MAGI2: variants seen among roughly 807,000 people sequenced by gnomAD.
The protein encoded by MAGI2 is membrane associated guanylate kinase, WW and PDZ domain containing 2, also known as membrane-associated guanylate kinase, WW and PDZ domain-containing protein 2.
A neutral mutation model predicts 133.3 loss-of-function variants in MAGI2; 35 were observed. That is an observed-to-expected ratio of 0.26 (90% confidence interval 0.20 to 0.35). MAGI2 has a LOEUF of 0.35. MAGI2 is among the 10% of genes least tolerant of loss of function. MAGI2 has a pLI of 1.00. For synonymous variants in MAGI2, 729 were observed against 710.6 expected, an observed-to-expected ratio of 1.03 and a Z score of -0.41; for missense variants, 1,636 against 1,863.4, an observed-to-expected ratio of 0.88 and a Z score of 2.25.
chr7:78,736,630 T>C (rs1406106831), intron 2 of MAGI2, among the ~76,000 whole-genome samples: 2 of 152,178 alleles, frequency 1.3e-5, no homozygotes, highest in Non-Finnish European at 2.9e-5. Flanking sequence ...GTATTAATAC[T>C]AATACTTTAT....
intron 3 of MAGI2, chr7:78,614,365 C>T (rs1457408536): frequency 6.7e-6 from 1 of 150,224 alleles, no homozygotes; most frequent in Non-Finnish European, 1.5e-5. Context: ...AATGGATAAA[C>T]TTGTAAATTC....
rs749690483 is a variant in MAGI2 at position 78,501,686 on chromosome 7, G to T, written c.856C>A (p.Gln286Lys). Residue 286 changes from glutamine (Q) to lysine (K), a missense_variant, in exon 5 of 22, where the codon CAG (glutamine) becomes AAG (lysine). Around this residue, in one of 5 missense-constraint regions of MAGI2, gnomAD observed 165 missense variants for 128.4 expected, o/e 1.28. Transcript: ENST00000354212. Reference protein sequence around the residue: ...VYSQPEELKEQMDDTKPTKPE... With the variant: ...VYSQPEELKEKMDDTKPTKPE... ...TTAGTTGGCTTTGTGTCATCCATCT[G>T]CTCCTTCAGCTCCTCAGGCTGACTG... The T allele has an allele frequency of 3.7e-6, 6 of 1,614,058 alleles. No individual in the cohort carries two copies. The highest frequency in any genetic ancestry group is 1.1e-5 in the South Asian group (1 of 91,078).
At chr7:78,241,470 C>T (rs1791130289) in intron 10 of MAGI2, among the ~76,000 whole-genome samples, 1 of 152,138 alleles carries the variant, frequency 6.6e-6, no homozygotes, top group Non-Finnish European at 1.5e-5. Context: ...AGATTTCTCA[C>T]ATTTGGGGGG....
rs147360314 is a variant in MAGI2 at position 78,266,807 on chromosome 7, C to T, written c.1409-10226G>A. Among the ~76,000 whole-genome samples the T allele has an allele frequency of 1.3e-4, 19 of 151,004 alleles. No homozygotes were observed. In the East Asian group the frequency reaches 2.6e-3, roughly 21 times the overall value. The stretch of plus-strand genomic sequence containing the variant: ...GATGGCCAGGCTGGTCTCGTGACCT[C>T]GTGATCCGCCCACCTTGGCCTCCTA... On this transcript the variant is annotated intron_variant, in intron 9 of 21. Transcript: ENST00000354212.
At chr7:78,067,481 G>C (rs911901391) in intron 21 of MAGI2, among the ~76,000 whole-genome samples, 4 of 152,140 alleles carry the variant, frequency 2.6e-5, no homozygotes, top group Non-Finnish European at 5.9e-5. Flanking sequence ...TCCCAATAAG[G>C]CCAGGGTCAC....
In MAGI2 at chr7:79,038,964, A is replaced by G. The variant is rs1438115152; in HGVS notation, c.302-31758T>C. On this transcript the variant is annotated intron_variant, in intron 1 of 21. Coordinates refer to ENST00000354212, the MANE Select transcript of MAGI2 (RefSeq NM_012301.4). ...AGATATAAACAATTTACTCCATTAT[A>G]AGTGGATAGTTTTTGCAATTACATA... Among the ~76,000 whole-genome samples, 5 of 152,240 alleles carry G rather than the reference A, an allele frequency of 3.3e-5. No homozygotes were observed. The East Asian group carries it at 9.6e-4, about 29-fold the overall frequency.
chr7:78,397,721 A>T (rs189720305), intron 6 of MAGI2, among the ~76,000 whole-genome samples: 1 of 152,246 alleles, frequency 6.6e-6, no homozygotes, highest in East Asian at 1.9e-4. Flanking sequence ...AATCAAGAAG[A>T]TGGTGACTCC....
intron 1 of MAGI2, among the ~76,000 whole-genome samples, chr7:79,183,340 T>C (rs1160872546): frequency 6.6e-6 from 1 of 151,778 alleles, no homozygotes; most frequent in Non-Finnish European, 1.5e-5. Flanking sequence ...ATATAAAAAA[T>C]ACATTTAAAT....
At chr7:78,152,833 T>G in intron 16 of MAGI2, among the ~76,000 whole-genome samples, 1 of 152,170 alleles carries the variant, frequency 6.6e-6, no homozygotes, top group East Asian at 1.9e-4. Context: ...GCCTCCTGAG[T>G]GAGCCACTCT....
chr7:78,565,602 C>T (rs1388034225), intron 3 of MAGI2, among the ~76,000 whole-genome samples: 1 of 151,850 alleles, frequency 6.6e-6, no homozygotes, highest in Non-Finnish European at 1.5e-5. Context: ...ACCATTAAAA[C>T]ACGTAAGATT....
At chr7:79,354,640 C>T (rs979844594) in intron 1 of MAGI2, among the ~76,000 whole-genome samples, 18 of 152,102 alleles carry the variant, frequency 1.2e-4, no homozygotes, top group Admixed American at 1.1e-3. Flanking sequence ...AAGAGAGGTG[C>T]CCTGGTCCCC....
chr7:78,668,078 T>G (rs1292658576), intron 2 of MAGI2, among the ~76,000 whole-genome samples: 2 of 152,138 alleles, frequency 1.3e-5, no homozygotes, highest in African/African-American at 4.8e-5. Context: ...TTTTAGTGAT[T>G]GCCATTCTAA....
chr7:79,366,592 G>A (rs935413882), intron 1 of MAGI2, among the ~76,000 whole-genome samples: 4 of 152,032 alleles, frequency 2.6e-5, no homozygotes, highest in African/African-American at 7.2e-5. Context: ...AATAATATTG[G>A]TGGATTGCAT....
intron 1 of MAGI2, among the ~76,000 whole-genome samples, chr7:79,071,741 T>C (rs1815000180): frequency 6.6e-6 from 1 of 152,006 alleles, no homozygotes; most frequent in Admixed American, 6.5e-5. Context: ...TCAAACTTCC[T>C]GGTGGCTTTG....
chr7:78,441,311 C>A (rs2216076), intron 6 of MAGI2, among the ~76,000 whole-genome samples: 23,924 of 152,090 alleles, frequency 0.16, 2,141 homozygotes, highest in East Asian at 0.39. Flanking sequence ...TACCATGCCA[C>A]GAAATGTGGA....
intron 9 of MAGI2, among the ~76,000 whole-genome samples, chr7:78,257,082 T>C (rs981808906): frequency 6.6e-6 from 1 of 152,176 alleles, no homozygotes; most frequent in African/African-American, 2.4e-5. Context: ...CCATTTATTT[T>C]TTTCCATCTA....
chr7:78,497,572 A>C (rs1311512036), intron 5 of MAGI2, among the ~76,000 whole-genome samples: 1 of 152,174 alleles, frequency 6.6e-6, no homozygotes, highest in Non-Finnish European at 1.5e-5. Context: ...TAAACCAATA[A>C]ATATTTCAAA....
intron 1 of MAGI2, among the ~76,000 whole-genome samples, chr7:79,105,414 A>G (rs1818364581): frequency 6.6e-6 from 1 of 152,290 alleles, no homozygotes; most frequent in South Asian, 2.1e-4. Context: ...AAAAGCATCC[A>G]GTTTCCTGCT....
At chr7:78,199,575 G>A (rs1331508891) in intron 11 of MAGI2, among the ~76,000 whole-genome samples, 1 of 152,172 alleles carries the variant, frequency 6.6e-6, no homozygotes, top group African/African-American at 2.4e-5. Context: ...TTGAGTCCAG[G>A]TAGAATGCCT....
Sources: allele counts gnomAD v4.1 joint callset (sites outside exome capture counted in the v4.1 genomes callset), GRCh38; gene constraint gnomAD v4.1.1; regional missense constraint gnomAD v4.1.1; transcripts MANE v1.5; gene names NCBI Gene and HGNC (gene_info 2026-07-23, HGNC 2026-07-21).